The following SPNS1 variants were observed in gnomAD, a reference collection of about 807,000 sequenced individuals.
SPNS1 encodes the protein protein spinster homolog 1.
SPNS1 carries 22 observed loss-of-function variants against 50.3 expected under a neutral mutation model. The observed-to-expected ratio is 0.44, with a 90% CI of 0.31 to 0.62. The LOEUF (loss-of-function observed/expected upper bound fraction) is 0.62, where lower values mean the gene tolerates loss of function less well. SPNS1 is among the 20% of genes least tolerant of loss of function. SPNS1 has a pLI of 0.07. For missense variants in SPNS1, 576 were observed against 728.6 expected (o/e 0.79, Z 2.41); for synonymous variants, 295 against 317.4 (o/e 0.93, Z 0.75).
chr16:28,981,642 C>T lies in SPNS1; in HGVS notation c.809+27C>T, dbSNP rs1215034367. 1.9e-6 allele frequency: 3 copies of T among 1,609,504 alleles called. No individual in the cohort carries two copies. In the African/African-American group the frequency reaches 4.0e-5, roughly 22 times the overall value. On this transcript the variant is annotated intron_variant, in intron 6 of 11. Coordinates refer to ENST00000311008, the MANE Select transcript of SPNS1 (RefSeq NM_032038.3). The surrounding 1 kb of genome is among the most constrained non-coding windows in gnomAD (Gnocchi z 4.2). ...TGAGTTTATTCCCACCCTAGACCAC[C>T]ATCTGAGGCCCCCTGGCGTCTGGTT...
intron 8 of SPNS1, 78 bp from the exon 9 acceptor site, chr16:28,982,779 T>C (rs1422632439): frequency 5.9e-6 from 9 of 1,513,030 alleles, no homozygotes; most frequent in Non-Finnish European, 6.4e-6. Flanking sequence ...AATTAGTTAA[T>C]AGATGAGCTG....
At position 28,983,641 on chromosome 16, in the gene SPNS1, A is replaced by G. The variant is rs1335802117; in HGVS notation, c.1321-145A>G. 4.1e-6 allele frequency: 4 copies of G among 965,428 alleles called. No individual in the cohort carries two copies. The highest frequency in any genetic ancestry group is 6.1e-6 in the Non-Finnish European group (4 of 660,626). The allele number at this position is 965,428 out of a possible 1,614,324, so 59.8% of individuals were successfully genotyped here. A position where few individuals can be genotyped will look rare whatever the true frequency, so the allele number is the denominator to read the frequency against. On this transcript the variant is annotated intron_variant, in intron 10 of 11. Transcript: ENST00000311008. This position sits in a 1 kb window ranked among gnomAD's most constrained non-coding sequence, Gnocchi z 5.4. ...CTCAGCCTCCTGAGTAGCTGGGATG[A>G]TAGGCATGAGCCACTGCATCTAGCT...
At chr16:28,976,750 G>A (rs1280956501) in intron 2 of SPNS1, among the ~76,000 whole-genome samples, 1 of 152,174 alleles carries the variant, frequency 6.6e-6, no homozygotes, top group Non-Finnish European at 1.5e-5. Context: ...CAATGAGAAT[G>A]GGATCATAGG....
In SPNS1 at chr16:28,979,482, T is replaced by G; in HGVS notation, c.663+11T>G. ...CACTGGGCTCTGAGGGTGAGTCTGGTCTTGGCCTGGGGGTAGGTCAGCGAC... is the reference window on the plus strand; with the variant it reads ...CACTGGGCTCTGAGGGTGAGTCTGGGCTTGGCCTGGGGGTAGGTCAGCGAC... On this transcript the variant is annotated intron_variant, in intron 5 of 11. Transcript: ENST00000311008. 6.2e-7 allele frequency: 1 copy of G among 1,613,896 alleles called. No homozygotes were observed. The highest frequency in any genetic ancestry group is 8.5e-7 in the Non-Finnish European group (1 of 1,179,884).
rs1965283255 is a variant in SPNS1 at position 28,975,026 on chromosome 16, G to C, written c.-126G>C. ...AGTGGTGCTCTGTGCTTCAGGGCAA[G>C]CTCCCCGTCTCCGGGCGCACTTCCC... On this transcript the variant is annotated 5_prime_UTR_variant, in exon 1 of 12. Coordinates refer to ENST00000311008, the MANE Select transcript of SPNS1 (RefSeq NM_032038.3). 7.0e-7 allele frequency: 1 copy of C among 1,431,012 alleles called. No homozygotes were observed. Among genetic ancestry groups the C allele is most frequent in the Non-Finnish European group, 9.1e-7 (1 of 1,096,548 alleles). The allele number at this position is 1,431,012 out of a possible 1,614,324, so 88.6% of individuals were successfully genotyped here. A position where few individuals can be genotyped will look rare whatever the true frequency, so the allele number is the denominator to read the frequency against.
At chr16:28,982,783 T>C (rs1406795307) in intron 8 of SPNS1, 74 bp from the exon 9 acceptor site, 4 of 1,527,476 alleles carry the variant, frequency 2.6e-6, no homozygotes, top group Non-Finnish European at 1.8e-6. Context: ...AGTTAATAGA[T>C]GAGCTGGGAA....
chr16:28,975,700 G>C, intron 2 of SPNS1, 143 bp downstream of exon 2: 2 of 823,000 alleles, frequency 2.4e-6, no homozygotes, highest in Non-Finnish European at 3.9e-6. Context: ...TGTTGCTCGG[G>C]GGTCAGCGGG....
Position 28,983,894 on chromosome 16 carries a change from GC to G in SPNS1, c.1431del (p.Phe478SerfsTer?). ...CAFVGALGGA[A>X]FLGTAIFIEA... ...GTTTGTTGGGGCACTGGGCGGCGCA[GC>G]CTTCCTGGGCACCGCCATCTTCATT... On this transcript the variant is annotated frameshift_variant, in exon 11 of 12. Transcript: ENST00000311008. LOFTEE classifies it high-confidence loss of function. The surrounding 1 kb of genome is among the most constrained non-coding windows in gnomAD (Gnocchi z 5.4). 6.2e-7 allele frequency: 1 copy of G among 1,600,666 alleles called. No individual in the cohort carries two copies.
Position 28,975,344 on chromosome 16 carries a change from C to T in SPNS1, c.193C>T (p.Leu65=), listed in dbSNP as rs777242429. The T allele has an allele frequency of 4.4e-6, 7 of 1,586,114 alleles. No individual in the cohort carries two copies. Among genetic ancestry groups the T allele is most frequent in the African/African-American group, 2.7e-5 (2 of 74,620 alleles). Residue 65 remains leucine, a synonymous_variant, in exon 1 of 12, where the codon CTG becomes TTG. Transcript: ENST00000311008. ...CCGTTCGGCTCTCATAGTGGCGGTG[C>T]TGTGCTACATCAATCTCCTGAACTA... ...PGRSALIVAV[L]CYINLLNYMD...
At position 28,981,296 on chromosome 16, in the gene SPNS1, T is replaced by C. The variant is rs922214034; in HGVS notation, c.664-174T>C. Among the ~76,000 whole-genome samples, 2 of 152,130 alleles carry C rather than the reference T, an allele frequency of 1.3e-5. No homozygotes were observed. Among genetic ancestry groups the C allele is most frequent in the African/African-American group, 4.8e-5 (2 of 41,416 alleles). ...CAAAGCTAGGCTTGCAAAAATAGGG[T>C]GGCCCCTAGTGGCAGCCCCCTTCCC... On this transcript the variant is annotated intron_variant, in intron 5 of 11. Transcript: ENST00000311008. This position sits in a 1 kb window ranked among gnomAD's most constrained non-coding sequence, Gnocchi z 4.2.
chr16:28,983,315 T>G lies in SPNS1; in HGVS notation c.1320+25T>G, dbSNP rs1442834727. On this transcript the variant is annotated intron_variant, in intron 10 of 11. Transcript: ENST00000311008. The surrounding 1 kb of genome is among the most constrained non-coding windows in gnomAD (Gnocchi z 5.4). The stretch of plus-strand genomic sequence containing the variant: ...GGTGAGCATTATTTCTTGGCTGGCA[T>G]GGGGTGGCTGGTGTCCTGAGCCTGG... 2 of 1,587,698 alleles carry G rather than the reference T, an allele frequency of 1.3e-6. No homozygotes were observed. Among genetic ancestry groups the G allele is most frequent in the Non-Finnish European group, 1.7e-6 (2 of 1,155,988 alleles).
At chr16:28,982,569 G>A (rs1257510354) in intron 8 of SPNS1, 24 bp downstream of exon 8, 1 of 1,585,914 alleles carries the variant, frequency 6.3e-7, no homozygotes. Context: ...AGGTGTCAAG[G>A]GGGATGGCGT....
At chr16:28,980,123 C>T (rs978707117) in intron 5 of SPNS1, 2 of 151,390 alleles carry the variant, frequency 1.3e-5, no homozygotes, top group African/African-American at 4.9e-5. Flanking sequence ...GTCAGGAGTT[C>T]TAGGCCAGCT....
Position 28,974,812 on chromosome 16 carries a change from T to TGGTGCAGCGCCCGGGCTGAGCGACAGCA in SPNS1, c.-339_-312dup. ...GCTTTAAGCAACATGGCGGCTGCCG[T>TGGTGCAGCGCCCGGGCTGAGCGACAGCA]GGTGCAGCGCCCGGGCTGAGCGACA... On this transcript the variant is annotated 5_prime_UTR_variant, in exon 1 of 12. It removes the in-frame stop codon of an upstream open reading frame in the 5' UTR. Coordinates refer to ENST00000311008, the MANE Select transcript of SPNS1 (RefSeq NM_032038.3). The TGGTGCAGCGCCCGGGCTGAGCGACAGCA allele has an allele frequency of 6.5e-7, 1 of 1,535,656 alleles. No individual in the cohort carries two copies. Among genetic ancestry groups the TGGTGCAGCGCCCGGGCTGAGCGACAGCA allele is most frequent in the Non-Finnish European group, 8.7e-7 (1 of 1,146,560 alleles).
intron 2 of SPNS1, among the ~76,000 whole-genome samples, chr16:28,976,981 G>A (rs948484519): frequency 1.3e-5 from 2 of 152,180 alleles, no homozygotes; most frequent in Admixed American, 1.3e-4. Flanking sequence ...CCAGTAAAAC[G>A]CTAAACTAAA....
At chr16:28,978,886 T>C in intron 3 of SPNS1, 1 of 463,794 alleles carries the variant, frequency 2.2e-6, no homozygotes, top group East Asian at 3.8e-5. Context: ...TATTTAGACC[T>C]TTTATTGTCT....
Position 28,977,968 on chromosome 16 carries a change from A to G in SPNS1, c.368A>G (p.Asn123Ser). 1.9e-6 allele frequency: 3 copies of G among 1,613,888 alleles called. No homozygotes were observed. The highest frequency in any genetic ancestry group is 2.5e-6 in the Non-Finnish European group (3 of 1,179,912). Residue 123 changes from asparagine to serine, a missense_variant, in exon 3 of 12, where the codon AAT becomes AGT. Physicochemically the swap from Asn to Ser is conservative, Grantham distance 46. This residue lies in a region of SPNS1 where 144 missense variants were observed against 181.2 expected (regional missense o/e 0.79). Coordinates refer to ENST00000311008, the MANE Select transcript of SPNS1 (RefSeq NM_032038.3). ...TTTGGCTACCTGGGTGACAGGTACAATCGGAAGTATCTCATGTGCGGGGGC... is the reference window on the plus strand; with the variant it reads ...TTTGGCTACCTGGGTGACAGGTACAGTCGGAAGTATCTCATGTGCGGGGGC... ...PVFGYLGDRY[N>S]RKYLMCGGIA... is the part of the protein sequence containing the mutation.
At chr16:28,984,626 G>A (rs1596764425), downstream of SPNS1, 2 of 612,990 alleles carry the variant, frequency 3.3e-6, no homozygotes, top group East Asian at 5.5e-5. Context: ...GAAGACTGTG[G>A]GTCATTCCTC....
In SPNS1 at chr16:28,984,200, C is replaced by CA; in HGVS notation, c.1493-5_1493-4insA. 1.3e-6 allele frequency: 2 copies of CA among 1,564,506 alleles called. No individual in the cohort carries two copies. The highest frequency in any genetic ancestry group is 1.7e-6 in the Non-Finnish European group (2 of 1,153,618). On this transcript the variant is annotated splice_polypyrimidine_tract_variant and splice_region_variant and intron_variant, in intron 11 of 11. Transcript: ENST00000311008. ...CTCACCCTGGCTCTGACCCTCCCCC[C>CA]TCAGGCCTGCTGCACGAAGCAGGGT...
Sources: gnomAD v4.1 joint callset for allele counts (sites outside exome capture counted in the v4.1 genomes callset) on GRCh38, gnomAD v4.1.1 for gene constraint, gnomAD v4.1.1 regional missense constraint, Gnocchi (gnomAD v3.1) non-coding constraint, MANE v1.5 for transcripts, NCBI Gene and HGNC (gene_info 2026-07-23, HGNC 2026-07-21) for gene names.